BCAS3: variants seen among roughly 807,000 people sequenced by gnomAD.
BCAS3 encodes BCAS3 microtubule associated cell migration factor.
A neutral mutation model predicts 116.1 loss-of-function variants in BCAS3; 53 were observed. The ratio of observed to expected loss-of-function variants is 0.46; its 90% CI spans 0.37 to 0.57. The LOEUF (loss-of-function observed/expected upper bound fraction) is 0.57. BCAS3 is among the 20% of genes least tolerant of loss of function. BCAS3 has a pLI of 0.00. For missense variants in BCAS3, 917 were observed against 1,165.4 expected, an observed-to-expected ratio of 0.79 and a Z score of 3.10; for synonymous variants, 391 against 408.2, an observed-to-expected ratio of 0.96 and a Z score of 0.51.
chr17:60,934,240 C>G (rs1282171289), intron 13 of BCAS3, among the ~76,000 whole-genome samples: 1 of 152,114 alleles, frequency 6.6e-6, no homozygotes, highest in Admixed American at 6.6e-5. Flanking sequence ...TAATGTAGCC[C>G]TGGGTTCCAT....
At chr17:61,270,112 A>ATTTTT (rs1202865412) in intron 22 of BCAS3, among the ~76,000 whole-genome samples, 8 of 68,812 alleles carry the variant, frequency 1.2e-4, no homozygotes, top group Non-Finnish European at 1.4e-4. Flanking sequence ...GCCTTCTGCC[A>ATTTTT]TTTTTTTTTT....
intron 6 of BCAS3, among the ~76,000 whole-genome samples, chr17:60,754,683 A>G: frequency 1.1e-4 from 1 of 9,050 alleles, no homozygotes; most frequent in Admixed American, 1.3e-3. Flanking sequence ...TTTAAAATAC[A>G]CACACACACA....
At chr17:61,080,089 G>A (rs2072436295) in intron 21 of BCAS3, among the ~76,000 whole-genome samples, 1 of 151,272 alleles carries the variant, frequency 6.6e-6, no homozygotes, top group African/African-American at 2.4e-5. Flanking sequence ...GTTTTTAGTA[G>A]AGATGGAGTT....
intron 22 of BCAS3, among the ~76,000 whole-genome samples, chr17:61,272,414 CT>C (rs1317486102): frequency 6.6e-6 from 1 of 151,882 alleles, no homozygotes; most frequent in Non-Finnish European, 1.5e-5. Flanking sequence ...GGGCAGATTG[CT>C]TGAGCTCAGG....
chr17:61,287,740 AAAAC>A (rs1350151058), intron 22 of BCAS3, among the ~76,000 whole-genome samples: 8 of 148,922 alleles, frequency 5.4e-5, no homozygotes, highest in African/African-American at 2.1e-4. Flanking sequence ...AACAAAAAAC[AAAAC>A]AAAAAAAACA....
At chr17:60,895,294 G>T (rs900605765) in intron 10 of BCAS3, among the ~76,000 whole-genome samples, 3 of 152,080 alleles carry the variant, frequency 2.0e-5, no homozygotes, top group African/African-American at 7.2e-5. Context: ...ACGTTAGGTT[G>T]TATGTTTCCA....
chr17:61,392,002 G>A lies in BCAS3; in HGVS notation c.2619G>A (p.Glu873=). The change falls in exon 24 of 24, where the codon GAG becomes GAA. Residue 873 remains glutamate, a synonymous_variant. Transcript: ENST00000407086. This position sits in a 1 kb window ranked among gnomAD's most constrained non-coding sequence, Gnocchi z 6.4. ...AACTTCAGCGAGAGGGAAGCATCGA[G>A]ACTCTGAGTAACAGCTCAGGCTCCA... The part of the protein sequence containing the change: ...GTELQREGSI[E]TLSNSSGSTS... 1.2e-6 allele frequency: 2 copies of A among 1,613,872 alleles called. No individual in the cohort carries two copies. Among genetic ancestry groups the A allele is most frequent in the Non-Finnish European group, 1.7e-6 (2 of 1,179,984 alleles).
intron 22 of BCAS3, among the ~76,000 whole-genome samples, chr17:61,273,110 ATTTT>A (rs1254394823): frequency 7.1e-6 from 1 of 141,676 alleles, no homozygotes; most frequent in African/African-American, 2.6e-5. Flanking sequence ...CCTTTATTTT[ATTTT>A]TTTTTTTTTC....
intron 13 of BCAS3, among the ~76,000 whole-genome samples, chr17:60,929,528 A>G (rs1432619954): frequency 6.6e-6 from 1 of 152,110 alleles, no homozygotes; most frequent in Non-Finnish European, 1.5e-5. Flanking sequence ...CGTTTTATAA[A>G]AAGATATGTA....
rs2077533541 is a variant in BCAS3, at chr17:61,151,400, T to C, written c.2425+66836T>C. Among the ~76,000 whole-genome samples, 2 of 152,036 alleles carry C rather than the reference T, an allele frequency of 1.3e-5. No homozygotes were observed. Among genetic ancestry groups the C allele is most frequent in the South Asian group, 4.1e-4 (2 of 4,824 alleles). On this transcript the variant is annotated intron_variant, in intron 22 of 23. Transcript: ENST00000407086. The surrounding 1 kb of genome is among the most constrained non-coding windows in gnomAD (Gnocchi z 4.8). ...CCTCCTGTTTTTTCCTACTTTTTTTTTTTTTAACCTGTTAAGGTCTTCCGC... is the reference window on the plus strand; with the variant it reads ...CCTCCTGTTTTTTCCTACTTTTTTTCTTTTTAACCTGTTAAGGTCTTCCGC...
chr17:61,340,324 A>C (rs1381926140), intron 22 of BCAS3, among the ~76,000 whole-genome samples: 1 of 144,492 alleles, frequency 6.9e-6, no homozygotes, highest in Non-Finnish European at 1.5e-5. Flanking sequence ...CTGTGTATAC[A>C]CAGATGCAGG....
intron 22 of BCAS3, among the ~76,000 whole-genome samples, chr17:61,183,062 A>T (rs1234584946): frequency 6.6e-6 from 1 of 152,244 alleles, no homozygotes; most frequent in African/African-American, 2.4e-5. Flanking sequence ...TTTCCTTAAT[A>T]GAAGAACCTT....
Position 61,213,153 on chromosome 17 carries a change from T to TTTTG in BCAS3, c.2425+128605_2425+128608dup, listed in dbSNP as rs553439341. Among the ~76,000 whole-genome samples the TTTTG allele has an allele frequency of 3.3e-5, 5 of 151,938 alleles. No individual in the cohort carries two copies. The highest frequency in any genetic ancestry group is 2.0e-4 in the Admixed American group (3 of 15,226). ...CCTTGTTAAATTGTTATATATATATTTTTGTTTGTTTGTTTGTTTTTTGTT... is the reference window on the plus strand; with the variant it reads ...CCTTGTTAAATTGTTATATATATATTTTTGTTTGTTTGTTTGTTTGTTTTTTGTT... On this transcript the variant is annotated intron_variant, in intron 22 of 23. Coordinates refer to ENST00000407086, the MANE Select transcript of BCAS3 (RefSeq NM_017679.5). This position sits in a 1 kb window ranked among gnomAD's most constrained non-coding sequence, Gnocchi z 5.4.
At position 61,056,253 on chromosome 17, in the gene BCAS3, C is replaced by T. The variant is rs970653573; in HGVS notation, c.2029+15361C>T. ...AGTAAGAAAACTGTCATGTCCAGAG[C>T]TTTACATGGTGTCAACTGAAGGACA... On this transcript the variant is annotated intron_variant, in intron 19 of 23. Transcript: ENST00000407086. The surrounding 1 kb of genome is among the most constrained non-coding windows in gnomAD (Gnocchi z 4.9). Among the ~76,000 whole-genome samples the T allele has an allele frequency of 1.9e-4, 29 of 152,170 alleles. No homozygotes were observed. The highest frequency in any genetic ancestry group is 7.0e-4 in the African/African-American group (29 of 41,454).
chr17:61,297,335 A>G (rs762913948), intron 22 of BCAS3, among the ~76,000 whole-genome samples: 5 of 152,182 alleles, frequency 3.3e-5, no homozygotes, highest in South Asian at 4.1e-4. Context: ...TACTGAGTTA[A>G]GGAGCCTAAA....
rs992053905 is a variant in BCAS3 at position 61,229,312 on chromosome 17, G to C, written c.2426-139015G>C. ...AACAGAGGTTGGTTCGTGAGGTTAA[G>C]GAAAGAAGCTATTTGCATAATATAA... On this transcript the variant is annotated intron_variant, in intron 22 of 23. Coordinates refer to ENST00000407086, the MANE Select transcript of BCAS3 (RefSeq NM_017679.5). This position sits in a 1 kb window ranked among gnomAD's most constrained non-coding sequence, Gnocchi z 4.4. Among the ~76,000 whole-genome samples, 1 of 151,858 alleles carries C rather than the reference G, an allele frequency of 6.6e-6. No homozygotes were observed. Among genetic ancestry groups the C allele is most frequent in the Non-Finnish European group, 1.5e-5 (1 of 68,032 alleles).
rs755898616 is a variant in BCAS3 at position 61,361,193 on chromosome 17, TA to T, written c.2426-7121del. Among the ~76,000 whole-genome samples the T allele has an allele frequency of 0.032, 4,480 of 138,006 alleles. 189 individuals carry two copies. The highest frequency in any genetic ancestry group is 0.098 in the African/African-American group (3,738 of 38,034). The allele number at this position is 138,006 out of a possible 152,430, so 90.5% of individuals were successfully genotyped here. ...GATTCTGCTGAGAGAGAAAAAGAAT[TA>T]AAAAAAAAAAAAGAAAAGACCCAGA... On this transcript the variant is annotated intron_variant, in intron 22 of 23. Transcript: ENST00000407086. This position sits in a 1 kb window ranked among gnomAD's most constrained non-coding sequence, Gnocchi z 6.5.
chr17:60,760,348 G>C (rs1363646046), intron 6 of BCAS3, among the ~76,000 whole-genome samples: 1 of 152,064 alleles, frequency 6.6e-6, no homozygotes, highest in Non-Finnish European at 1.5e-5. Context: ...TTACTTTCAT[G>C]TTTAGGACTC....
At chr17:61,091,175 A>G (rs1217989343) in intron 22 of BCAS3, among the ~76,000 whole-genome samples, 2 of 152,234 alleles carry the variant, frequency 1.3e-5, no homozygotes, top group East Asian at 3.8e-4. Context: ...TATGCTTTCT[A>G]TATTGCAAGC....
Sources: gnomAD v4.1 joint callset for allele counts (sites outside exome capture counted in the v4.1 genomes callset) on GRCh38, gnomAD v4.1.1 for gene constraint, Gnocchi (gnomAD v3.1) non-coding constraint, MANE v1.5 for transcripts, NCBI Gene and HGNC (gene_info 2026-07-23, HGNC 2026-07-21) for gene names.